Variants in GGNBP2 observed in about 807,000 individuals in gnomAD.
GGNBP2 encodes gametogenetin-binding protein 2.
A neutral mutation model predicts 85.9 loss-of-function variants in GGNBP2; 10 were observed. The observed-to-expected ratio is 0.12, with a 90% CI of 0.07 to 0.20. GGNBP2 has a LOEUF of 0.20. Among genes scored for constraint, GGNBP2 ranks in the 10% least tolerant of loss-of-function variants. The probability of loss-of-function intolerance (pLI) is 1.00; values close to 1 mark genes in which losing one functional copy is unlikely to be tolerated. For missense variants in GGNBP2, 595 were observed against 857.8 expected, an observed-to-expected ratio of 0.69 and a Z score of 3.83; for synonymous variants, 287 against 285.7, an observed-to-expected ratio of 1.00 and a Z score of -0.05.
chr17:36,549,097 AAT>A (rs1257190860), intron 2 of GGNBP2, among the ~76,000 whole-genome samples: 2 of 152,226 alleles, frequency 1.3e-5, no homozygotes, highest in Non-Finnish European at 2.9e-5. Flanking sequence ...GGAATGGTGA[AAT>A]ATTTAAGAAA....
chr17:36,566,870 CA>C (rs1036559728), intron 5 of GGNBP2, among the ~76,000 whole-genome samples: 4 of 145,722 alleles, frequency 2.7e-5, no homozygotes, highest in Admixed American at 6.8e-5. Flanking sequence ...GGAGTGATTA[CA>C]AAAAAAAAAT....
intron 7 of GGNBP2, 193 bp from the exon 8 acceptor site, chr17:36,579,052 T>G (rs1248848053): frequency 5.5e-6 from 3 of 543,886 alleles, no homozygotes; most frequent in Non-Finnish European, 9.8e-6. Context: ...AGGACTAAAT[T>G]CTACTTGCAT....
At chr17:36,560,968 C>A in intron 5 of GGNBP2, 97 bp downstream of exon 5, 1 of 669,660 alleles carries the variant, frequency 1.5e-6, no homozygotes, top group Non-Finnish European at 2.5e-6. Context: ...TGCTTTAATT[C>A]ATTAATTGGT....
chr17:36,585,255 T>C (rs2074689201), intron 9 of GGNBP2, 45 bp from the exon 10 acceptor site: 2 of 1,533,352 alleles, frequency 1.3e-6, no homozygotes, highest in Middle Eastern at 1.7e-4. Context: ...ATGTAGCTGT[T>C]ATGGAGTAAA....
intron 1 of GGNBP2, among the ~76,000 whole-genome samples, chr17:36,545,343 G>A (rs1365805305): frequency 6.6e-6 from 1 of 151,352 alleles, no homozygotes; most frequent in African/African-American, 2.4e-5. Flanking sequence ...TGCAGCGGGC[G>A]GGGAAGCCCC....
chr17:36,568,609 AAAATT>A (rs555220042), intron 6 of GGNBP2, among the ~76,000 whole-genome samples: 49 of 152,268 alleles, frequency 3.2e-4, no homozygotes, highest in African/African-American at 1.1e-3. Flanking sequence ...TGGCATTTTC[AAAATT>A]AAATTAGTAG....
At position 36,589,672 on chromosome 17, in the gene GGNBP2, T is replaced by C; in HGVS notation, c.*261T>C. 1 of 481,236 alleles carries C rather than the reference T, an allele frequency of 2.1e-6. No individual in the cohort carries two copies. 29.8% of individuals were successfully genotyped at this position (481,236 alleles called of 1,614,324 possible). A position where few individuals can be genotyped will look rare whatever the true frequency, so the allele number is the denominator to read the frequency against. On this transcript the variant is annotated 3_prime_UTR_variant, in exon 14 of 14. Coordinates refer to ENST00000613102, the MANE Select transcript of GGNBP2 (RefSeq NM_024835.5). ...ATGTTTCTCTTCCTGTGAGACTTAC[T>C]AAAGCAACTTAGTGGCAAAAAGTAA...
chr17:36,576,727 AG>A (rs1261592112), intron 6 of GGNBP2: 1 of 150,192 alleles, frequency 6.7e-6, no homozygotes, highest in African/African-American at 2.5e-5. Context: ...AATTGAAAAT[AG>A]GGACCTACAG....
At chr17:36,589,160 C>A in intron 13 of GGNBP2, 48 bp from the exon 14 acceptor site, 1 of 1,355,476 alleles carries the variant, frequency 7.4e-7, no homozygotes, top group Non-Finnish European at 1.0e-6. Flanking sequence ...CATTACATAA[C>A]ATTTTGCATT....
intron 2 of GGNBP2, chr17:36,547,818 A>G (rs928323538): frequency 1.3e-5 from 2 of 152,244 alleles, no homozygotes; most frequent in African/African-American, 4.8e-5. Context: ...TTTTTATCAC[A>G]AAGGAATGAG....
chr17:36,557,140 G>A lies in GGNBP2; in HGVS notation c.232G>A (p.Glu78Lys). The A allele has an allele frequency of 6.2e-7, 1 of 1,614,028 alleles. No homozygotes were observed. The highest frequency in any genetic ancestry group is 8.5e-7 in the Non-Finnish European group (1 of 1,180,006). Residue 78 changes from glutamate (E) to lysine (K), a missense_variant, in exon 4 of 14, where the codon GAA (glutamate) becomes AAA (lysine). Glu to Lys is a moderately conservative substitution (Grantham distance 56, BLOSUM62 1). Coordinates refer to ENST00000613102, the MANE Select transcript of GGNBP2 (RefSeq NM_024835.5). ...TATTGCCATGGTGGTGACATCACGC[G>A]AAGTCCTGAGTGCACTTTCTCAGCT... ...LSIAMVVTSR[E>K]VLSALSQLVP...
chr17:36,571,879 A>C (rs148732569), intron 6 of GGNBP2, among the ~76,000 whole-genome samples: 360 of 151,608 alleles, frequency 2.4e-3, no homozygotes, highest in African/African-American at 8.2e-3. Flanking sequence ...TAAATAAATA[A>C]ATATAAAAAC....
In GGNBP2 at chr17:36,560,747, C is replaced by G. The variant is rs185656210; in HGVS notation, c.429-26C>G. The G allele has an allele frequency of 5.1e-5, 61 of 1,196,072 alleles. No individual in the cohort carries two copies. In the African/African-American group the frequency reaches 7.7e-4, roughly 15 times the overall value. The allele number at this position is 1,196,072 out of a possible 1,614,324, so 74.1% of individuals were successfully genotyped here. A position where few individuals can be genotyped will look rare whatever the true frequency, so the allele number is the denominator to read the frequency against. ...AATTTGAAAGTAAAATGAATTAAAC[C>G]CTTAATATGTTTTATTTTTAATTAG... On this transcript the variant is annotated intron_variant, in intron 4 of 13. Coordinates refer to ENST00000613102, the MANE Select transcript of GGNBP2 (RefSeq NM_024835.5).
At chr17:36,545,401 CGGCG>C (rs917556965) in intron 1 of GGNBP2, 200 of 171,128 alleles carry the variant, frequency 1.2e-3, no homozygotes, top group South Asian at 3.2e-3. Context: ...GACTGGAGGC[CGGCG>C]GGCGGGCGGG....
At chr17:36,588,718 G>C (rs546370716) in intron 13 of GGNBP2, among the ~76,000 whole-genome samples, 131 of 152,026 alleles carry the variant, frequency 8.6e-4, no homozygotes, top group Non-Finnish European at 1.8e-3. Flanking sequence ...TCCTGCCTCA[G>C]CCTCCCAAAA....
chr17:36,568,382 C>T (rs766769251), intron 6 of GGNBP2, among the ~76,000 whole-genome samples: 3 of 151,916 alleles, frequency 2.0e-5, no homozygotes, highest in Non-Finnish European at 2.9e-5. Flanking sequence ...CTGTTCCCTC[C>T]GCCTCCCGCG....
chr17:36,585,635 A>T, intron 10 of GGNBP2, 185 bp downstream of exon 10: 1 of 623,904 alleles, frequency 1.6e-6, no homozygotes, highest in Non-Finnish European at 2.6e-6. Context: ...CTTATTTTTG[A>T]CAAAAACGAA....
chr17:36,550,754 C>A (rs1448787902), intron 2 of GGNBP2, among the ~76,000 whole-genome samples: 2 of 152,180 alleles, frequency 1.3e-5, no homozygotes, highest in African/African-American at 2.4e-5. Context: ...TAGGGAACCT[C>A]TTCATGAAGC....
At chr17:36,586,602 C>T (rs1248104864) in intron 12 of GGNBP2, 2 of 254,280 alleles carry the variant, frequency 7.9e-6, no homozygotes, top group East Asian at 9.2e-5. Context: ...CTTAGTATTC[C>T]TTCTAAAGGT....
Sources: gnomAD v4.1 joint callset for allele counts (sites outside exome capture counted in the v4.1 genomes callset) on GRCh38, gnomAD v4.1.1 for gene constraint, MANE v1.5 for transcripts, NCBI Gene and HGNC (gene_info 2026-07-23, HGNC 2026-07-21) for gene names.